Variants in SHISA9 observed in about 807,000 individuals in gnomAD.
SHISA9 encodes shisa family member 9, also known as protein shisa-9.
SHISA9 carries 13 observed loss-of-function variants against 38.0 expected under a neutral mutation model. The observed-to-expected ratio is 0.34, with a 90% CI of 0.22 to 0.54. The LOEUF (loss-of-function observed/expected upper bound fraction) is 0.54. SHISA9 is among the 20% of genes least tolerant of loss of function. The pLI is 0.91. For synonymous variants in SHISA9, 275 were observed against 242.0 expected (o/e 1.14, Z -1.27); for missense variants, 538 against 575.8 (o/e 0.93, Z 0.67).
intron 2 of SHISA9, among the ~76,000 whole-genome samples, chr16:12,928,879 A>G (rs1052582724): frequency 1.3e-5 from 2 of 152,252 alleles, no homozygotes; most frequent in African/African-American, 4.8e-5. Flanking sequence ...AAGACGTTGC[A>G]TAAGCATATT....
chr16:13,041,299 T>A (rs886926099), intron 2 of SHISA9, among the ~76,000 whole-genome samples: 14 of 152,228 alleles, frequency 9.2e-5, no homozygotes, highest in African/African-American at 3.1e-4. Context: ...CTTTGTGCCT[T>A]GGGCTCTAGT....
the SHISA9 span, among the ~76,000 whole-genome samples, chr16:13,289,380 T>C: frequency 7.4e-6 from 1 of 135,080 alleles, no homozygotes; most frequent in Admixed American, 7.6e-5. Context: ...GCGGGAGGGT[T>C]GTGGCAGGGT....
intron 2 of SHISA9, among the ~76,000 whole-genome samples, chr16:13,113,444 T>C (rs762509035): frequency 6.6e-6 from 1 of 152,234 alleles, no homozygotes; most frequent in South Asian, 2.1e-4. Context: ...AGCCTGGAGA[T>C]TGTTGCTTGA....
chr16:13,494,377 A>G, the SHISA9 span, among the ~76,000 whole-genome samples: 1 of 152,224 alleles, frequency 6.6e-6, no homozygotes, highest in East Asian at 1.9e-4. Context: ...CCAGAAACCC[A>G]AAACTCCACC....
chr16:13,217,867 TAAA>T (rs1208707357), intron 4 of SHISA9, among the ~76,000 whole-genome samples: 1 of 152,048 alleles, frequency 6.6e-6, no homozygotes, highest in East Asian at 1.9e-4. Context: ...TCATCTCTAC[TAAA>T]AATTGAAAAA....
the SHISA9 span, among the ~76,000 whole-genome samples, chr16:13,383,995 A>AT: frequency 4.6e-5 from 7 of 152,136 alleles, no homozygotes; most frequent in Non-Finnish European, 1.0e-4. Context: ...TTTGACTTTG[A>AT]TTTTTTTACA....
intron 2 of SHISA9, among the ~76,000 whole-genome samples, chr16:12,974,849 C>G (rs544690169): frequency 1.3e-5 from 2 of 152,220 alleles, no homozygotes; most frequent in African/African-American, 4.8e-5. Flanking sequence ...GAACCTGAAA[C>G]TATATATGTC....
chr16:13,490,406 A>G, the SHISA9 span, among the ~76,000 whole-genome samples: 1 of 152,088 alleles, frequency 6.6e-6, no homozygotes. Flanking sequence ...AACAAACAAA[A>G]ACAGAAAAAT....
chr16:13,522,358 G>A, the SHISA9 span, among the ~76,000 whole-genome samples: 260 of 152,342 alleles, frequency 1.7e-3, 1 homozygote, highest in African/African-American at 5.7e-3. Context: ...ACTTTGAACA[G>A]TTTTCATCCT....
the SHISA9 span, among the ~76,000 whole-genome samples, chr16:13,423,893 A>G: frequency 3.9e-5 from 6 of 152,056 alleles, no homozygotes; most frequent in East Asian, 1.2e-3. Flanking sequence ...TTTTGCCATC[A>G]CCCCATTATC....
the SHISA9 span, among the ~76,000 whole-genome samples, chr16:13,462,122 A>G: frequency 6.6e-6 from 1 of 151,838 alleles, no homozygotes; most frequent in Non-Finnish European, 1.5e-5. Flanking sequence ...AGAAAAAAAA[A>G]TAGCTGGGTA....
chr16:13,353,487 G>A, the SHISA9 span, among the ~76,000 whole-genome samples: 1 of 151,874 alleles, frequency 6.6e-6, no homozygotes, highest in Non-Finnish European at 1.5e-5. Context: ...GAAAAATAGT[G>A]TAAACCTGCA....
chr16:13,310,830 C>T, the SHISA9 span, among the ~76,000 whole-genome samples: 1 of 151,840 alleles, frequency 6.6e-6, no homozygotes, highest in Non-Finnish European at 1.5e-5. Flanking sequence ...ACTACAGGGG[C>T]CTGCCACCAT....
intron 4 of SHISA9, among the ~76,000 whole-genome samples, chr16:13,221,007 A>G (rs1149410): frequency 0.47 from 71,410 of 151,222 alleles, 17,696 homozygotes; most frequent in East Asian, 0.75. Flanking sequence ...ACTCTGGATT[A>G]ATAGTTTGCC....
the SHISA9 span, among the ~76,000 whole-genome samples, chr16:13,388,100 A>G: frequency 6.6e-6 from 1 of 152,084 alleles, no homozygotes; most frequent in Non-Finnish European, 1.5e-5. Flanking sequence ...TCTATATCCT[A>G]CAAGGTAATT....
In SHISA9 at chr16:13,043,479, G is replaced by T. The variant is rs2073154832; in HGVS notation, c.691+126664G>T. Among the ~76,000 whole-genome samples, 4 of 152,290 alleles carry T rather than the reference G, an allele frequency of 2.6e-5. No homozygotes were observed. The South Asian group carries it at 8.3e-4, about 32-fold the overall frequency. ...TTTTAAATTCTCCTGTTTCTATCAG[G>T]TTGGTGCAAAAGTAATTGCAGTTTT... is the stretch of plus-strand genomic sequence containing the variant. On this transcript the variant is annotated intron_variant, in intron 2 of 4. Transcript: ENST00000558583.
the SHISA9 span, among the ~76,000 whole-genome samples, chr16:13,284,736 T>C: frequency 6.6e-6 from 1 of 152,132 alleles, no homozygotes; most frequent in Admixed American, 6.5e-5. Context: ...TAGCTGGGAT[T>C]ACAGGTACGT....
At chr16:13,062,856 A>G (rs889681123) in intron 2 of SHISA9, among the ~76,000 whole-genome samples, 5 of 151,788 alleles carry the variant, frequency 3.3e-5, no homozygotes, top group African/African-American at 1.2e-4. Flanking sequence ...TAAGTTGTGC[A>G]CCCAAGGAAA....
chr16:13,205,610 CATATT>C (rs1213870407), intron 3 of SHISA9, among the ~76,000 whole-genome samples: 1 of 152,156 alleles, frequency 6.6e-6, no homozygotes, highest in East Asian at 1.9e-4. Flanking sequence ...TGTGATGACT[CATATT>C]ATAGACTGGT....
Sources: gnomAD v4.1 joint callset for allele counts (sites outside exome capture counted in the v4.1 genomes callset) on GRCh38, gnomAD v4.1.1 for gene constraint, MANE v1.5 for transcripts, NCBI Gene and HGNC (gene_info 2026-07-23, HGNC 2026-07-21) for gene names.